Variants in SDK1 observed in about 807,000 individuals in gnomAD.
SDK1 encodes the protein protein sidekick-1.
In SDK1, 157 loss-of-function variants were observed where a neutral mutation model predicts 245.5. That is an observed-to-expected ratio of 0.64 (90% CI 0.56 to 0.73). The LOEUF (loss-of-function observed/expected upper bound fraction) is 0.73, where lower values mean the gene tolerates loss of function less well. Ranked by LOEUF, SDK1 falls within the 30% of genes least tolerant of loss-of-function variation. The pLI is 0.00. For synonymous variants in SDK1, 1,647 were observed against 1,278.5 expected, an observed-to-expected ratio of 1.29 and a Z score of -6.15; for missense variants, 3,583 against 3,002.3, an observed-to-expected ratio of 1.19 and a Z score of -4.52.
chr7:3,914,269 CG>C (rs1779289948), intron 5 of SDK1, among the ~76,000 whole-genome samples: 1 of 152,174 alleles, frequency 6.6e-6, no homozygotes, highest in Admixed American at 6.5e-5. Flanking sequence ...GCTCATCCTA[CG>C]TTATTGTGTC....
At chr7:3,856,278 G>A (rs570379811) in intron 5 of SDK1, among the ~76,000 whole-genome samples, 21 of 151,758 alleles carry the variant, frequency 1.4e-4, no homozygotes, top group South Asian at 4.2e-4. Context: ...CCAAACTACT[G>A]GAGAAAAAAA....
chr7:3,997,056 C>G (rs1453221462), intron 14 of SDK1, among the ~76,000 whole-genome samples: 4 of 152,206 alleles, frequency 2.6e-5, no homozygotes, highest in Admixed American at 6.5e-5. Flanking sequence ...TTACAATACT[C>G]CAGAAAGTTC....
rs149099033 is a variant in SDK1 at position 3,547,729 on chromosome 7, C to T, written c.299-71351C>T. On this transcript the variant is annotated intron_variant, in intron 1 of 44. Coordinates refer to ENST00000404826, the MANE Select transcript of SDK1 (RefSeq NM_152744.4). ...TATTTCTTACCCTTTTGGATAGATA[C>T]CTTTTCTAAAGGAAGCAATGATGGA... 8.5e-5 allele frequency among the ~76,000 whole-genome samples: 13 copies of T among 152,260 alleles called. No homozygotes were observed. In the South Asian group the frequency reaches 2.7e-3, roughly 32 times the overall value.
intron 4 of SDK1, among the ~76,000 whole-genome samples, chr7:3,671,598 G>GT (rs2128662952): frequency 6.6e-6 from 1 of 152,256 alleles, no homozygotes; most frequent in Admixed American, 6.5e-5. Flanking sequence ...GTTTAAGACT[G>GT]AGTCAATAGA....
At chr7:3,340,008 A>G (rs949417778) in intron 1 of SDK1, among the ~76,000 whole-genome samples, 2 of 152,142 alleles carry the variant, frequency 1.3e-5, no homozygotes, top group Non-Finnish European at 2.9e-5. Flanking sequence ...GAAATAGAGG[A>G]TATCACTACA....
At chr7:3,693,334 T>G (rs1442526342) in intron 4 of SDK1, among the ~76,000 whole-genome samples, 1 of 152,220 alleles carries the variant, frequency 6.6e-6, no homozygotes, top group Admixed American at 6.5e-5. Flanking sequence ...TTATTTGGTT[T>G]GTATTGTTTC....
At chr7:3,952,800 A>G (rs985571158) in intron 7 of SDK1, among the ~76,000 whole-genome samples, 4 of 152,122 alleles carry the variant, frequency 2.6e-5, no homozygotes, top group African/African-American at 4.8e-5. Flanking sequence ...CCCAGCTCTA[A>G]ATGCTGGAAA....
At chr7:3,859,896 T>TG (rs1327260197) in intron 5 of SDK1, among the ~76,000 whole-genome samples, 3 of 152,140 alleles carry the variant, frequency 2.0e-5, no homozygotes, top group African/African-American at 7.2e-5. Context: ...GAAACAAAGT[T>TG]TTAAAGCAAC....
At chr7:3,702,841 C>G (rs958815860) in intron 4 of SDK1, among the ~76,000 whole-genome samples, 1 of 152,088 alleles carries the variant, frequency 6.6e-6, no homozygotes, top group South Asian at 2.1e-4. Context: ...ATGACAAAAA[C>G]ATGAAAAAGA....
At chr7:3,617,111 A>C (rs1419643244) in intron 1 of SDK1, among the ~76,000 whole-genome samples, 1 of 152,218 alleles carries the variant, frequency 6.6e-6, no homozygotes, top group East Asian at 1.9e-4. Context: ...GATGACATCT[A>C]TGTTATAGGG....
At chr7:3,758,690 G>T (rs1478176362) in intron 4 of SDK1, among the ~76,000 whole-genome samples, 1 of 152,070 alleles carries the variant, frequency 6.6e-6, no homozygotes, top group South Asian at 2.1e-4. Flanking sequence ...ACCTGCACCC[G>T]CCCAGAGTCA....
At chr7:4,192,087 A>G (rs909131971) in intron 35 of SDK1, among the ~76,000 whole-genome samples, 4 of 152,202 alleles carry the variant, frequency 2.6e-5, no homozygotes, top group African/African-American at 9.7e-5. Context: ...AATCTCAAGC[A>G]TACACAGAAG....
rs118166610 is a variant in SDK1, at chr7:3,541,778, C to A, written c.299-77302C>A. The stretch of plus-strand genomic sequence containing the variant: ...CCTCCAATAAGACATCACCCCAATG[C>A]ATGACTTAGGCAAATAAGGTATTAA... On this transcript the variant is annotated intron_variant, in intron 1 of 44. Transcript: ENST00000404826. 2.5e-4 allele frequency among the ~76,000 whole-genome samples: 38 copies of A among 152,284 alleles called. No individual in the cohort carries two copies. The East Asian group carries it at 5.2e-3, about 21-fold the overall frequency.
At chr7:3,877,427 C>T (rs758615813) in intron 5 of SDK1, among the ~76,000 whole-genome samples, 9 of 152,020 alleles carry the variant, frequency 5.9e-5, no homozygotes, top group African/African-American at 9.7e-5. Flanking sequence ...AGAGAACAAC[C>T]GTGTTCCCTC....
At chr7:4,183,131 C>T (rs1431970789) in intron 35 of SDK1, among the ~76,000 whole-genome samples, 1 of 152,170 alleles carries the variant, frequency 6.6e-6, no homozygotes, top group Non-Finnish European at 1.5e-5. Flanking sequence ...GAGTCCACCT[C>T]TGAGCGGGGC....
intron 22 of SDK1, among the ~76,000 whole-genome samples, chr7:4,079,864 C>T (rs764058478): frequency 2.1e-4 from 32 of 152,138 alleles, no homozygotes; most frequent in Admixed American, 1.3e-3. Flanking sequence ...TGGATAGTGT[C>T]GTTGATTGAG....
intron 4 of SDK1, among the ~76,000 whole-genome samples, chr7:3,649,202 G>A (rs947591961): frequency 6.6e-6 from 1 of 152,140 alleles, no homozygotes; most frequent in Non-Finnish European, 1.5e-5. Flanking sequence ...TGGATGGGTG[G>A]GAAGAGAGTC....
intron 4 of SDK1, among the ~76,000 whole-genome samples, chr7:3,796,924 TTAAC>T (rs1388426523): frequency 5.9e-5 from 9 of 152,314 alleles, no homozygotes; most frequent in East Asian, 3.8e-4. Flanking sequence ...AGATATATAC[TTAAC>T]TAAGTTTTAT....
At chr7:4,024,049 A>G (rs1055914725) in intron 17 of SDK1, among the ~76,000 whole-genome samples, 1 of 151,876 alleles carries the variant, frequency 6.6e-6, no homozygotes, top group Non-Finnish European at 1.5e-5. Context: ...GCACACCAAG[A>G]TTTTCCTTTT....
Sources: gnomAD v4.1 joint callset for allele counts (sites outside exome capture counted in the v4.1 genomes callset) on GRCh38, gnomAD v4.1.1 for gene constraint, MANE v1.5 for transcripts, NCBI Gene and HGNC (gene_info 2026-07-23, HGNC 2026-07-21) for gene names.